The following RAB38 variants were observed in gnomAD, a reference collection of about 807,000 sequenced individuals.
The protein encoded by RAB38 is RAB38, member RAS oncogene family, also known as ras-related protein Rab-38.
Under a neutral mutation model 18.4 loss-of-function variants are expected in RAB38, and 15 were observed. That is an observed-to-expected ratio of 0.82 (90% CI 0.55 to 1.26). RAB38 has a LOEUF of 1.26. RAB38 is among the 50% of genes most tolerant of loss of function. The pLI is 0.00. For synonymous variants in RAB38, 101 were observed against 104.4 expected, an observed-to-expected ratio of 0.97 and a Z score of 0.20; for missense variants, 294 against 267.4, an observed-to-expected ratio of 1.10 and a Z score of -0.69.
chr11:87,856,512 C>A, the RAB38 span, among the ~76,000 whole-genome samples: 3 of 152,092 alleles, frequency 2.0e-5, no homozygotes. Context: ...TATCTCAATA[C>A]AATATTTTAT....
chr11:87,857,433 C>G, the RAB38 span, among the ~76,000 whole-genome samples: 1 of 152,130 alleles, frequency 6.6e-6, no homozygotes, highest in Admixed American at 6.6e-5. Flanking sequence ...CCTGAGGAAT[C>G]GCCACACTGT....
the RAB38 span, among the ~76,000 whole-genome samples, chr11:88,016,527 C>T: frequency 1.3e-5 from 2 of 152,034 alleles, no homozygotes; most frequent in African/African-American, 4.8e-5. Flanking sequence ...GATGTTCTCT[C>T]CCAGCTAAAG....
At chr11:87,950,800 T>C in the RAB38 span, among the ~76,000 whole-genome samples, 54 of 152,344 alleles carry the variant, frequency 3.5e-4, no homozygotes, top group African/African-American at 1.2e-3. Flanking sequence ...CCGACCTTTC[T>C]CTCTGGCTGC....
At chr11:88,058,783 C>G in the RAB38 span, among the ~76,000 whole-genome samples, 2 of 152,096 alleles carry the variant, frequency 1.3e-5, no homozygotes, top group Non-Finnish European at 2.9e-5. Flanking sequence ...GTTTTAATAC[C>G]AAGAGATAAT....
At chr11:88,084,996 C>T in the RAB38 span, among the ~76,000 whole-genome samples, 711 of 151,708 alleles carry the variant, frequency 4.7e-3, 1 homozygote, top group Middle Eastern at 0.01. Context: ...TAGATGATGC[C>T]CAAAATGGGT....
At chr11:87,804,817 A>G in the RAB38 span, among the ~76,000 whole-genome samples, 1 of 152,204 alleles carries the variant, frequency 6.6e-6, no homozygotes, top group African/African-American at 2.4e-5. Flanking sequence ...TACATGATAA[A>G]AATACTCCTC....
chr11:88,111,925 G>A (rs1348591302), downstream of RAB38, among the ~76,000 whole-genome samples: 1 of 152,152 alleles, frequency 6.6e-6, no homozygotes, highest in Non-Finnish European at 1.5e-5. Context: ...CTCTTCTCCA[G>A]TATTTTGCCA....
chr11:87,864,306 CTATAT>C, the RAB38 span, among the ~76,000 whole-genome samples: 2 of 150,106 alleles, frequency 1.3e-5, no homozygotes, highest in African/African-American at 2.4e-5. Context: ...CTATGCTGTA[CTATAT>C]TATAATTATT....
At chr11:87,816,639 C>T in the RAB38 span, 1 of 152,006 alleles carries the variant, frequency 6.6e-6, no homozygotes, top group Non-Finnish European at 1.5e-5. Context: ...CTATATATAT[C>T]ATTCTCCTTT....
At chr11:88,092,401 A>AGG in the RAB38 span, among the ~76,000 whole-genome samples, 1 of 24,556 alleles carries the variant, frequency 4.1e-5, no homozygotes, top group Non-Finnish European at 9.7e-5. Flanking sequence ...AGAGAGAGAG[A>AGG]GAGAGAGAGA....
chr11:87,967,837 C>G, the RAB38 span, among the ~76,000 whole-genome samples: 1 of 152,046 alleles, frequency 6.6e-6, no homozygotes, highest in South Asian at 2.1e-4. Flanking sequence ...TGAAGTCTGC[C>G]CAGTCTTTCA....
At chr11:88,017,276 T>C in the RAB38 span, among the ~76,000 whole-genome samples, 3 of 152,070 alleles carry the variant, frequency 2.0e-5, no homozygotes, top group East Asian at 5.8e-4. Context: ...TGTGCATAAA[T>C]GTACTTTTCA....
the RAB38 span, among the ~76,000 whole-genome samples, chr11:87,963,217 A>T: frequency 1.3e-5 from 2 of 152,170 alleles, no homozygotes; most frequent in Admixed American, 1.3e-4. Context: ...AAACACTCAC[A>T]TGTTGACACA....
chr11:87,912,489 T>G, the RAB38 span, among the ~76,000 whole-genome samples: 1 of 151,984 alleles, frequency 6.6e-6, no homozygotes, highest in African/African-American at 2.4e-5. Flanking sequence ...ATAAAGTTAT[T>G]CATAATATTC....
the RAB38 span, among the ~76,000 whole-genome samples, chr11:87,973,410 T>C: frequency 6.6e-6 from 1 of 151,986 alleles, no homozygotes; most frequent in Non-Finnish European, 1.5e-5. Context: ...GCAGTTGTCT[T>C]CAAGAATCGG....
the RAB38 span, among the ~76,000 whole-genome samples, chr11:88,077,603 A>C: frequency 3.3e-4 from 50 of 152,316 alleles, 2 homozygotes; most frequent in South Asian, 8.5e-3. Context: ...ATGCAGAAGA[A>C]TGAAACTAGA....
the RAB38 span, among the ~76,000 whole-genome samples, chr11:87,835,881 A>G: frequency 7.9e-5 from 12 of 152,180 alleles, no homozygotes; most frequent in African/African-American, 2.9e-4. Context: ...ACAAATATGA[A>G]GGAGATTCAC....
chr11:87,885,604 A>G, the RAB38 span, among the ~76,000 whole-genome samples: 1 of 151,950 alleles, frequency 6.6e-6, no homozygotes, highest in African/African-American at 2.4e-5. Flanking sequence ...TGCTGTACTG[A>G]AGTTACTCTT....
At chr11:87,926,032 C>T in the RAB38 span, among the ~76,000 whole-genome samples, 1 of 151,744 alleles carries the variant, frequency 6.6e-6, no homozygotes, top group Non-Finnish European at 1.5e-5. Flanking sequence ...AATTCAAATC[C>T]TACTCATTTA....
Sources: allele counts gnomAD v4.1 joint callset (sites outside exome capture counted in the v4.1 genomes callset), GRCh38; gene constraint gnomAD v4.1.1; transcripts MANE v1.5; gene names NCBI Gene and HGNC (gene_info 2026-07-23, HGNC 2026-07-21).